The following KBTBD6 variants were observed in gnomAD, a reference collection of about 807,000 sequenced individuals.
KBTBD6 encodes the protein kelch repeat and BTB domain containing 6, also known as kelch repeat and BTB domain-containing protein 6.
A neutral mutation model predicts 34.4 loss-of-function variants in KBTBD6; 6 were observed. That is an observed-to-expected ratio of 0.17 (90% confidence interval 0.10 to 0.34). The LOEUF (loss-of-function observed/expected upper bound fraction) is 0.34. KBTBD6 is among the 10% of genes least tolerant of loss of function. The probability of loss-of-function intolerance (pLI) is 1.00; values close to 1 mark genes in which losing one functional copy is unlikely to be tolerated. For synonymous variants in KBTBD6, 288 were observed against 327.2 expected (o/e 0.88, Z 1.29); for missense variants, 557 against 856.0 (o/e 0.65, Z 4.36).
rs1284820112 is a variant in KBTBD6, at chr13:41,132,513, G to GT, written c.-3dup. The GT allele has an allele frequency of 6.2e-7, 1 of 1,610,144 alleles. No individual in the cohort carries two copies. The highest frequency in any genetic ancestry group is 8.5e-7 in the Non-Finnish European group (1 of 1,176,940). The stretch of plus-strand genomic sequence containing the variant: ...CGGGGCGTCTTCCCGGGACTGCATG[G>GT]TGGAGATGGCGACGGGCGCTGATGG... On this transcript the variant is annotated 5_prime_UTR_variant, in exon 1 of 1. Coordinates refer to ENST00000379485, the MANE Select transcript of KBTBD6 (RefSeq NM_152903.5).
In KBTBD6 at chr13:41,132,484, A is replaced by G. The variant is rs760979121; in HGVS notation, c.28T>C (p.Ser10Pro). 2 of 1,614,112 alleles carry G rather than the reference A, an allele frequency of 1.2e-6. No homozygotes were observed. Among genetic ancestry groups the G allele is most frequent in the Admixed American group, 1.7e-5 (1 of 60,022 alleles). MQSREDAPR[S>P]RRLASPRGGK... ...CCACGGGGACTGGCTAGGCGGCGAG[A>G]GCGCGGGGCGTCTTCCCGGGACTGC... is the stretch of plus-strand genomic sequence containing the variant. Residue 10 changes from serine to proline, a missense_variant, in exon 1 of 1, where the codon TCT becomes CCT. Ser to Pro is a moderately conservative substitution (Grantham distance 74). Transcript: ENST00000379485.
Position 41,131,946 on chromosome 13 carries a change from C to A in KBTBD6, c.566G>T (p.Arg189Leu), listed in dbSNP as rs2030107730. ...AGCTATATAGGACTGGGCCTGGGAT[C>A]GCAGCTTGCGATGGCCAAAGGCATC... ...FADAFGHRKL[R>L]SQAQSYIAQN... Residue 189 changes from arginine to leucine, a missense_variant, in exon 1 of 1, where the codon CGA (arginine) becomes CTA (leucine). Transcript: ENST00000379485. This position sits in a 1 kb window ranked among gnomAD's most constrained non-coding sequence, Gnocchi z 5.8. 6.2e-7 allele frequency: 1 copy of A among 1,614,248 alleles called. No individual in the cohort carries two copies. Among genetic ancestry groups the A allele is most frequent in the Non-Finnish European group, 8.5e-7 (1 of 1,180,050 alleles).
rs764601112 is a variant in KBTBD6, at chr13:41,129,417, CT to C, written c.*1069del. On this transcript the variant is annotated 3_prime_UTR_variant, in exon 1 of 1. Transcript: ENST00000379485. ...TACAAACCTACAAAGCAAGTTACTTCTTTTTTAAGGTTTTTTGATGATTTGG... is the reference window on the plus strand; with the variant it reads ...TACAAACCTACAAAGCAAGTTACTTCTTTTTAAGGTTTTTTGATGATTTGG... 3.3e-5 allele frequency: 5 copies of C among 152,172 alleles called. No individual in the cohort carries two copies. The East Asian group carries it at 9.7e-4, about 29-fold the overall frequency. The allele number at this position is 152,172 out of a possible 1,614,324, so 9.4% of individuals were successfully genotyped here.
Position 41,128,349 on chromosome 13 carries a change from A to T in KBTBD6, c.*2138T>A, listed in dbSNP as rs1455598622. 2.7e-6 allele frequency: 1 copy of T among 372,256 alleles called. No homozygotes were observed. The highest frequency in any genetic ancestry group is 3.7e-5 in the East Asian group (1 of 27,018). 23.1% of individuals were successfully genotyped at this position (372,256 alleles called of 1,614,324 possible). On this transcript the variant is annotated 3_prime_UTR_variant, in exon 1 of 1. Transcript: ENST00000379485. ...TGGTCATTCATCATGTACATGTATC[A>T]TGTCAACCATTATATATTAAATCTT...
At position 41,132,037 on chromosome 13, in the gene KBTBD6, C is replaced by G. The variant is rs1217325991; in HGVS notation, c.475G>C (p.Ala159Pro). 1 of 1,614,262 alleles carries G rather than the reference C, an allele frequency of 6.2e-7. No homozygotes were observed. The highest frequency in any genetic ancestry group is 8.5e-7 in the Non-Finnish European group (1 of 1,180,056). ...DMLQLEYVRE[A>P]CASFLARRLD... The stretch of plus-strand genomic sequence containing the variant: ...CGTCGGGCTAAGAAGGAGGCACAGG[C>G]TTCCCGCACATATTCCAGCTGTAGC... Residue 159 changes from alanine (A) to proline (P), a missense_variant, in exon 1 of 1, where the codon GCC becomes CCC. This residue lies in a region of KBTBD6 where 108 missense variants were observed against 209.6 expected (regional missense o/e 0.52). Coordinates refer to ENST00000379485, the MANE Select transcript of KBTBD6 (RefSeq NM_152903.5).
Position 41,131,139 on chromosome 13 carries a change from T to C in KBTBD6, c.1373A>G (p.Asn458Ser), listed in dbSNP as rs1293180190. 9.9e-6 allele frequency: 16 copies of C among 1,614,070 alleles called. No individual in the cohort carries two copies. The highest frequency in any genetic ancestry group is 1.3e-5 in the Non-Finnish European group (15 of 1,180,022). Residue 458 changes from asparagine to serine, a missense_variant, in exon 1 of 1, where the codon AAT becomes AGT. Around this residue, in one of 4 missense-constraint regions of KBTBD6, gnomAD observed 309 missense variants for 504.5 expected, o/e 0.61. Transcript: ENST00000379485. This position sits in a 1 kb window ranked among gnomAD's most constrained non-coding sequence, Gnocchi z 5.8. Reference sequence around the variant, plus strand: ...CAATGCCCACTGGTTTCTCTTAACATTGTAGCATTCCACTTCCTTCAACTT... The same window carrying C: ...CAATGCCCACTGGTTTCTCTTAACACTGTAGCATTCCACTTCCTTCAACTT... ...GVKLKEVECY[N>S]VKRNQWALVA...
In KBTBD6 at chr13:41,131,511, G is replaced by A. The variant is rs374460685; in HGVS notation, c.1001C>T (p.Pro334Leu). 6.2e-7 allele frequency: 1 copy of A among 1,614,186 alleles called. No homozygotes were observed. Among genetic ancestry groups the A allele is most frequent in the Non-Finnish European group, 8.5e-7 (1 of 1,180,038 alleles). ...SNSLVSAAENPPQRLGMCAKE... is the reference protein window; with the variant it reads ...SNSLVSAAENLPQRLGMCAKE... Reference sequence around the variant, plus strand: ...GGCACACATACCCAGTCTCTGGGGTGGATTTTCTGCTGCAGATACAAGAGA... The same window carrying A: ...GGCACACATACCCAGTCTCTGGGGTAGATTTTCTGCTGCAGATACAAGAGA... The change falls in exon 1 of 1, where the codon CCA (proline) becomes CTA (leucine). Residue 334 changes from proline to leucine, a missense_variant. Coordinates refer to ENST00000379485, the MANE Select transcript of KBTBD6 (RefSeq NM_152903.5). The surrounding 1 kb of genome is among the most constrained non-coding windows in gnomAD (Gnocchi z 5.8).
At position 41,131,134 on chromosome 13, in the gene KBTBD6, T is replaced by C; in HGVS notation, c.1378A>G (p.Lys460Glu). 6.2e-7 allele frequency: 1 copy of C among 1,614,196 alleles called. No homozygotes were observed. The highest frequency in any genetic ancestry group is 8.5e-7 in the Non-Finnish European group (1 of 1,180,030). ...GCCACCAATGCCCACTGGTTTCTCTTAACATTGTAGCATTCCACTTCCTTC... is the reference window on the plus strand; with the variant it reads ...GCCACCAATGCCCACTGGTTTCTCTCAACATTGTAGCATTCCACTTCCTTC... ...KLKEVECYNV[K>E]RNQWALVAPL... Residue 460 changes from lysine (K) to glutamate (E), a missense_variant, in exon 1 of 1, where the codon AAG becomes GAG. This residue lies in a region of KBTBD6 where 309 missense variants were observed against 504.5 expected (regional missense o/e 0.61). Coordinates refer to ENST00000379485, the MANE Select transcript of KBTBD6 (RefSeq NM_152903.5). The surrounding 1 kb of genome is among the most constrained non-coding windows in gnomAD (Gnocchi z 5.8).
chr13:41,131,360 A>T lies in KBTBD6; in HGVS notation c.1152T>A (p.Thr384=). 1 of 1,614,162 alleles carries T rather than the reference A, an allele frequency of 6.2e-7. No individual in the cohort carries two copies. Among genetic ancestry groups the T allele is most frequent in the Non-Finnish European group, 8.5e-7 (1 of 1,180,022 alleles). ...TCLAHTRTVT[T]LAVCISPDHD... is the part of the protein sequence containing the mutation. The stretch of plus-strand genomic sequence containing the variant: ...GGTCAGGAGAGATACAGACAGCTAA[A>T]GTGGTGACAGTCCTAGTGTGAGCCA... Residue 384 remains threonine (T), a synonymous_variant, in exon 1 of 1, where the codon ACT becomes ACA. Transcript: ENST00000379485. The surrounding 1 kb of genome is among the most constrained non-coding windows in gnomAD (Gnocchi z 5.8).
Position 41,130,581 on chromosome 13 carries a change from C to T in KBTBD6, c.1931G>A (p.Trp644Ter). The change falls in exon 1 of 1, where the codon TGG becomes TAG. Residue 644 changes from tryptophan to a stop codon, truncating the protein, a stop_gained. Transcript: ENST00000379485. LOFTEE classifies it high-confidence loss of function. This position sits in a 1 kb window ranked among gnomAD's most constrained non-coding sequence, Gnocchi z 4.8. ...TGGCTCACTGAATCCACCTAAGTCC[C>T]ATTCAGTGCTAGACTCACTTGGTAT... ...EEIPSESSTE[W>*]DLGGFSEPDS... 7 of 1,614,156 alleles carry T rather than the reference C, an allele frequency of 4.3e-6. No individual in the cohort carries two copies. The highest frequency in any genetic ancestry group is 5.9e-6 in the Non-Finnish European group (7 of 1,179,984).
chr13:41,132,092 G>A lies in KBTBD6; in HGVS notation c.420C>T (p.Asn140=), dbSNP rs1164372839. 6.6e-5 allele frequency: 106 copies of A among 1,614,160 alleles called. No homozygotes were observed. The highest frequency in any genetic ancestry group is 2.2e-4 in the South Asian group (20 of 91,084). Residue 140 remains asparagine, a synonymous_variant, in exon 1 of 1, where the codon AAC becomes AAT. Transcript: ENST00000379485. ...YTGRVSLSEA[N]VERLYAASDM... ...CGGAGGCCGCGTACAGGCGCTCCAC[G>A]TTGGCCTCACTGAGAGACACACGAC...
chr13:41,132,735 G>A lies in KBTBD6; in HGVS notation c.-224C>T, dbSNP rs565301092. ...ACTCCCGCGTCCTTTCTCCGCGTCTGCTCGCCTTCACAGGACCCGCTGGCT... is the reference window on the plus strand; with the variant it reads ...ACTCCCGCGTCCTTTCTCCGCGTCTACTCGCCTTCACAGGACCCGCTGGCT... On this transcript the variant is annotated 5_prime_UTR_variant, in exon 1 of 1. Transcript: ENST00000379485. 8.3e-6 allele frequency: 5 copies of A among 602,548 alleles called. No individual in the cohort carries two copies. The African/African-American group carries it at 9.3e-5, about 11-fold the overall frequency. The allele number at this position is 602,548 out of a possible 1,614,324, so 37.3% of individuals were successfully genotyped here. A position where few individuals can be genotyped will look rare whatever the true frequency, so the allele number is the denominator to read the frequency against.
rs1373123016 is a variant in KBTBD6 at position 41,130,759 on chromosome 13, C to T, written c.1753G>A (p.Val585Met). The change falls in exon 1 of 1, where the codon GTG becomes ATG. Residue 585 changes from valine to methionine, a missense_variant. Physicochemically the swap from Val to Met is conservative, Grantham distance 21. Transcript: ENST00000379485. This position sits in a 1 kb window ranked among gnomAD's most constrained non-coding sequence, Gnocchi z 4.8. ...TPQWKKNRVT[V>M]YEYDIRGDQW... ...TCTCCCCTAATATCATATTCATACA[C>T]AGTCACCCGGTTCTTTTTCCACTGT... 5 of 1,614,096 alleles carry T rather than the reference C, an allele frequency of 3.1e-6. No homozygotes were observed. Among genetic ancestry groups the T allele is most frequent in the Non-Finnish European group, 4.2e-6 (5 of 1,180,056 alleles).
chr13:41,131,323 G>A lies in KBTBD6; in HGVS notation c.1189C>T (p.Leu397=). The part of the protein sequence containing the change: ...VCISPDHDIY[L]AAQPRTDLWV... Reference sequence around the variant, plus strand: ...AGGTCTGTCCTGGGCTGAGCAGCTAGATAGATGTCATGGTCAGGAGAGATA... The same window carrying A: ...AGGTCTGTCCTGGGCTGAGCAGCTAAATAGATGTCATGGTCAGGAGAGATA... Residue 397 remains leucine (L), a synonymous_variant, in exon 1 of 1, where the codon CTA becomes TTA. Coordinates refer to ENST00000379485, the MANE Select transcript of KBTBD6 (RefSeq NM_152903.5). This position sits in a 1 kb window ranked among gnomAD's most constrained non-coding sequence, Gnocchi z 5.8. The A allele has an allele frequency of 6.2e-7, 1 of 1,614,228 alleles. No individual in the cohort carries two copies. The highest frequency in any genetic ancestry group is 8.5e-7 in the Non-Finnish European group (1 of 1,180,038).
At position 41,128,746 on chromosome 13, in the gene KBTBD6, A is replaced by C. The variant is rs2138515456; in HGVS notation, c.*1741T>G. On this transcript the variant is annotated 3_prime_UTR_variant, in exon 1 of 1. Coordinates refer to ENST00000379485, the MANE Select transcript of KBTBD6 (RefSeq NM_152903.5). ...GCTGCAGATGATAGCTGCAGCCCCGAACTCCTAGACTCAAGTGATCCTACA... is the reference window on the plus strand; with the variant it reads ...GCTGCAGATGATAGCTGCAGCCCCGCACTCCTAGACTCAAGTGATCCTACA... The C allele has an allele frequency of 2.8e-6, 1 of 350,904 alleles. No individual in the cohort carries two copies. Among genetic ancestry groups the C allele is most frequent in the Non-Finnish European group, 5.1e-6 (1 of 194,832 alleles). The allele number at this position is 350,904 out of a possible 1,614,324, so 21.7% of individuals were successfully genotyped here.
Position 41,131,007 on chromosome 13 carries a change from T to C in KBTBD6, c.1505A>G (p.Asn502Ser), listed in dbSNP as rs2030078134. ...KRMFCYDPSH[N>S]MWLKCVSLKR... is the part of the protein sequence containing the mutation. ...CAGAGAAACGCACTTCAGCCACATA[T>C]TGTGGCTAGGATCATAACAGAACAT... Residue 502 changes from asparagine to serine, a missense_variant, in exon 1 of 1, where the codon AAT becomes AGT. Physicochemically the swap from Asn to Ser is conservative, Grantham distance 46 (BLOSUM62 1). Transcript: ENST00000379485. The surrounding 1 kb of genome is among the most constrained non-coding windows in gnomAD (Gnocchi z 5.8). The C allele has an allele frequency of 6.2e-7, 1 of 1,613,942 alleles. No individual in the cohort carries two copies. The highest frequency in any genetic ancestry group is 8.5e-7 in the Non-Finnish European group (1 of 1,179,972).
chr13:41,131,578 C>G lies in KBTBD6; in HGVS notation c.934G>C (p.Val312Leu). ...RYGDLLYKSL[V>L]PVPNSSSSSS... Reference sequence around the variant, plus strand: ...CTGCTGCTGCTGTTTGGCACTGGCACCAGAGACTTGTACAACAGGTCACCA... The same window carrying G: ...CTGCTGCTGCTGTTTGGCACTGGCAGCAGAGACTTGTACAACAGGTCACCA... The change falls in exon 1 of 1, where the codon GTG (valine) becomes CTG (leucine). Residue 312 changes from valine to leucine, a missense_variant. Coordinates refer to ENST00000379485, the MANE Select transcript of KBTBD6 (RefSeq NM_152903.5). This position sits in a 1 kb window ranked among gnomAD's most constrained non-coding sequence, Gnocchi z 5.8. 1 of 1,613,960 alleles carries G rather than the reference C, an allele frequency of 6.2e-7. No homozygotes were observed. Among genetic ancestry groups the G allele is most frequent in the Non-Finnish European group, 8.5e-7 (1 of 1,179,922 alleles).
chr13:41,128,635 T>C lies in KBTBD6; in HGVS notation c.*1852A>G, dbSNP rs1034996395. 1 of 390,216 alleles carries C rather than the reference T, an allele frequency of 2.6e-6. No individual in the cohort carries two copies. The highest frequency in any genetic ancestry group is 1.3e-4 in the South Asian group (1 of 7,734). 24.2% of individuals were successfully genotyped at this position (390,216 alleles called of 1,614,324 possible). ...CACTTATGTTCTTTAACTATCAACTTTGTTTTTCTAAGAGATGGGATCTCG... is the reference window on the plus strand; with the variant it reads ...CACTTATGTTCTTTAACTATCAACTCTGTTTTTCTAAGAGATGGGATCTCG... On this transcript the variant is annotated 3_prime_UTR_variant, in exon 1 of 1. Coordinates refer to ENST00000379485, the MANE Select transcript of KBTBD6 (RefSeq NM_152903.5).
At position 41,131,047 on chromosome 13, in the gene KBTBD6, G is replaced by C. The variant is rs144244912; in HGVS notation, c.1465C>G (p.Leu489Val). 2.4e-4 allele frequency: 384 copies of C among 1,614,016 alleles called. No individual in the cohort carries two copies. The highest frequency in any genetic ancestry group is 6.6e-4 in the Middle Eastern group (4 of 6,084). The change falls in exon 1 of 1, where the codon CTC becomes GTC. Residue 489 changes from leucine (L) to valine (V), a missense_variant. Around this residue, in one of 4 missense-constraint regions of KBTBD6, gnomAD observed 309 missense variants for 504.5 expected, o/e 0.61. Coordinates refer to ENST00000379485, the MANE Select transcript of KBTBD6 (RefSeq NM_152903.5). The surrounding 1 kb of genome is among the most constrained non-coding windows in gnomAD (Gnocchi z 5.8). ...TAACAGAACATGCGCTTACTGTTGA[G>C]AGCATAGAGATAGTCTCGAATTACC... ...LMVIRDYLYA[L>V]NSKRMFCYDP...
Sources: gnomAD v4.1 joint callset for allele counts on GRCh38, gnomAD v4.1.1 for gene constraint, gnomAD v4.1.1 regional missense constraint, Gnocchi (gnomAD v3.1) non-coding constraint, MANE v1.5 for transcripts, NCBI Gene and HGNC (gene_info 2026-07-23, HGNC 2026-07-21) for gene names.